SV2C: variants seen among roughly 807,000 people sequenced by gnomAD.
The protein encoded by SV2C is solute carrier family 22 member B3.
In SV2C, 49 loss-of-function variants were observed where a neutral mutation model predicts 79.7. That is an observed-to-expected ratio of 0.61 (90% CI 0.49 to 0.78). SV2C has a LOEUF of 0.78. Ranked by LOEUF, SV2C falls within the 30% of genes least tolerant of loss-of-function variation. The pLI is 0.00. For missense variants in SV2C, 833 were observed against 912.9 expected (o/e 0.91, Z 1.13); for synonymous variants, 334 against 333.2 (o/e 1.00, Z -0.03).
chr5:75,892,891 G>A, the SV2C span, among the ~76,000 whole-genome samples: 1 of 152,058 alleles, frequency 6.6e-6, no homozygotes, highest in Non-Finnish European at 1.5e-5. Flanking sequence ...ACATATGAGT[G>A]CATGTGTCTT....
chr5:76,056,620 CTT>C, the SV2C span, among the ~76,000 whole-genome samples: 1 of 88,182 alleles, frequency 1.1e-5, no homozygotes, highest in East Asian at 3.3e-4. Flanking sequence ...TGGTCCTGGG[CTT>C]TCTTTTTTTT....
At chr5:76,209,263 T>A (rs1744697317) in intron 3 of SV2C, among the ~76,000 whole-genome samples, 4 of 152,140 alleles carry the variant, frequency 2.6e-5, no homozygotes, top group Admixed American at 2.6e-4. Flanking sequence ...TAGCAGTGAG[T>A]AAATACAGAT....
chr5:75,909,588 A>G, the SV2C span, among the ~76,000 whole-genome samples: 4 of 152,188 alleles, frequency 2.6e-5, no homozygotes, highest in African/African-American at 9.7e-5. Flanking sequence ...TTCTTTGTTT[A>G]ACTATTGTAA....
chr5:76,129,627 G>C (rs1025688675), intron 1 of SV2C, among the ~76,000 whole-genome samples: 2 of 152,126 alleles, frequency 1.3e-5, no homozygotes, highest in Non-Finnish European at 2.9e-5. Context: ...TCCTATACAA[G>C]GACCTCTTTA....
Position 76,124,569 on chromosome 5 carries a change from A to T in SV2C, c.-101-7081A>T, listed in dbSNP as rs1275902231. On this transcript the variant is annotated intron_variant, in intron 1 of 12. Coordinates refer to ENST00000502798, the MANE Select transcript of SV2C (RefSeq NM_014979.4). ...AGCTACTGTTAATAACACTGTTAGA[A>T]TCATAGATGTATAAATATCTTCTCC... 2.6e-5 allele frequency among the ~76,000 whole-genome samples: 4 copies of T among 152,232 alleles called. No individual in the cohort carries two copies. The East Asian group carries it at 7.7e-4, about 29-fold the overall frequency.
rs139729969 is a variant in SV2C, at chr5:76,247,278, G to A, written c.913+37391G>A. The stretch of plus-strand genomic sequence containing the variant: ...CAATGATTGTGTCTTATGACCTGCC[G>A]TGTGCAACAGATGGGATGCTAAACA... On this transcript the variant is annotated intron_variant, in intron 4 of 12. Transcript: ENST00000502798. Among the ~76,000 whole-genome samples the A allele has an allele frequency of 4.6e-5, 7 of 152,116 alleles. No homozygotes were observed. In the East Asian group the frequency reaches 7.7e-4, roughly 17 times the overall value.
chr5:75,999,375 A>AAGAGAGAGAG, the SV2C span, among the ~76,000 whole-genome samples: 441 of 134,770 alleles, frequency 3.3e-3, no homozygotes, highest in South Asian at 5.4e-3. Flanking sequence ...GGGAGGGAGA[A>AAGAGAGAGAG]AGAGAGAGAG....
chr5:75,919,360 T>C, the SV2C span, among the ~76,000 whole-genome samples: 3 of 152,266 alleles, frequency 2.0e-5, no homozygotes, highest in African/African-American at 7.2e-5. Flanking sequence ...TATGCTTCTG[T>C]TTACTTATTT....
intron 12 of SV2C, among the ~76,000 whole-genome samples, chr5:76,352,975 T>C (rs2112593725): frequency 6.6e-6 from 1 of 150,950 alleles, no homozygotes; most frequent in East Asian, 1.9e-4. Context: ...AAGGTCTTGC[T>C]CTGTTGCCCA....
chr5:76,236,916 C>A (rs1745633575), intron 4 of SV2C, among the ~76,000 whole-genome samples: 1 of 152,202 alleles, frequency 6.6e-6, no homozygotes, highest in Admixed American at 6.5e-5. Flanking sequence ...TTCCCCCATG[C>A]TGTTCTCATG....
At chr5:75,986,943 G>A in the SV2C span, among the ~76,000 whole-genome samples, 1 of 151,904 alleles carries the variant, frequency 6.6e-6, no homozygotes, top group African/African-American at 2.4e-5. Flanking sequence ...TTCCTCTGGG[G>A]TATGGGTTAG....
intron 1 of SV2C, among the ~76,000 whole-genome samples, chr5:76,112,464 G>C (rs867584689): frequency 6.6e-6 from 1 of 152,364 alleles, no homozygotes; most frequent in Middle Eastern, 3.4e-3. Flanking sequence ...CGAGACCAGA[G>C]AGGAGGCAGG....
At chr5:75,961,679 T>C in the SV2C span, among the ~76,000 whole-genome samples, 14 of 152,012 alleles carry the variant, frequency 9.2e-5, no homozygotes, top group African/African-American at 3.4e-4. Flanking sequence ...ATTTCAATTT[T>C]AGTGTTCAAG....
chr5:75,916,447 C>G, the SV2C span, among the ~76,000 whole-genome samples: 1 of 150,126 alleles, frequency 6.7e-6, no homozygotes, highest in South Asian at 2.2e-4. Flanking sequence ...TTCTCCTCTC[C>G]TCCTCCTCCT....
chr5:75,940,720 A>C, the SV2C span, among the ~76,000 whole-genome samples: 4 of 152,230 alleles, frequency 2.6e-5, no homozygotes, highest in Non-Finnish European at 5.9e-5. Context: ...TGATCCTAAC[A>C]GTAGTTACAA....
At chr5:75,947,761 T>A in the SV2C span, among the ~76,000 whole-genome samples, 1 of 152,040 alleles carries the variant, frequency 6.6e-6, no homozygotes, top group South Asian at 2.1e-4. Flanking sequence ...GTATAACCCC[T>A]TATTAACATT....
chr5:76,343,126 A>G (rs1382219384), intron 12 of SV2C, among the ~76,000 whole-genome samples: 1 of 152,130 alleles, frequency 6.6e-6, no homozygotes, highest in South Asian at 2.1e-4. Context: ...ATTTCTGTCT[A>G]CTTCAGGGTC....
intron 12 of SV2C, among the ~76,000 whole-genome samples, chr5:76,319,248 C>CA (rs11341644): frequency 3.8e-3 from 545 of 141,854 alleles, no homozygotes; most frequent in Middle Eastern, 0.029. Flanking sequence ...TGCATCTCTA[C>CA]AAAAAAAAAA....
At chr5:76,242,031 G>C (rs887962407) in intron 4 of SV2C, 67 of 1,415,494 alleles carry the variant, frequency 4.7e-5, no homozygotes, top group Middle Eastern at 2.2e-4. Flanking sequence ...ACTTCACTTG[G>C]CATCTCCAGC....
Sources: gnomAD v4.1 joint callset for allele counts (sites outside exome capture counted in the v4.1 genomes callset) on GRCh38, gnomAD v4.1.1 for gene constraint, MANE v1.5 for transcripts, NCBI Gene and HGNC (gene_info 2026-07-23, HGNC 2026-07-21) for gene names.